The following ANK3 variants were observed in gnomAD, a reference collection of about 807,000 sequenced individuals.
ANK3 encodes the protein ankyrin 3.
Under a neutral mutation model 370.9 loss-of-function variants are expected in ANK3, and 57 were observed. That is an observed-to-expected ratio of 0.15 (90% CI 0.12 to 0.19). The LOEUF is 0.19. Among genes scored for constraint, ANK3 ranks in the 10% least tolerant of loss-of-function variants. The pLI, the probability that ANK3 is intolerant of heterozygous loss-of-function variation, is 1.00. For missense variants in ANK3, 4,439 were observed against 5,302.1 expected, an observed-to-expected ratio of 0.84 and a Z score of 5.06; for synonymous variants, 1,929 against 1,946.3, an observed-to-expected ratio of 0.99 and a Z score of 0.23.
chr10:60,392,242 A>G (rs936243712), upstream of ANK3, among the ~76,000 whole-genome samples: 5 of 152,224 alleles, frequency 3.3e-5, no homozygotes, highest in African/African-American at 1.2e-4. Flanking sequence ...ATAGTTCCAG[A>G]AAGCCTTTAT....
At chr10:60,299,285 T>G (rs371048077) in intron 1 of ANK3, among the ~76,000 whole-genome samples, 1 of 152,204 alleles carries the variant, frequency 6.6e-6, no homozygotes, top group South Asian at 2.1e-4. Flanking sequence ...AGTACAAAGA[T>G]GAAAACTGAA....
rs553599231 is a variant in ANK3 at position 60,253,914 on chromosome 10, C to T, written c.798+7945G>A. Among the ~76,000 whole-genome samples the T allele has an allele frequency of 9.9e-5, 15 of 152,216 alleles. No individual in the cohort carries two copies. In the South Asian group the frequency reaches 3.1e-3, roughly 32 times the overall value. On this transcript the variant is annotated intron_variant, in intron 7 of 43. Transcript: ENST00000280772. ...ACATTCAAATGCCAAAAAAAGTCTGCTATAAGTGGTTTTTATTTTCTCACT... is the reference window on the plus strand; with the variant it reads ...ACATTCAAATGCCAAAAAAAGTCTGTTATAAGTGGTTTTTATTTTCTCACT...
chr10:60,680,107 C>T (rs1300409778), intron 1 of ANK3, among the ~76,000 whole-genome samples: 3 of 137,176 alleles, frequency 2.2e-5, no homozygotes, highest in African/African-American at 8.3e-5. Context: ...TGCATTACAG[C>T]CTGGGAGACA....
intron 23 of ANK3, among the ~76,000 whole-genome samples, chr10:60,150,816 A>G (rs969309786): frequency 2.0e-5 from 3 of 152,102 alleles, no homozygotes; most frequent in Admixed American, 2.0e-4. Context: ...TGCTTGTACA[A>G]CCTGTAGAAC....
At chr10:60,057,002 G>A (rs940098294) in intron 41 of ANK3, among the ~76,000 whole-genome samples, 5 of 152,094 alleles carry the variant, frequency 3.3e-5, no homozygotes, top group South Asian at 2.1e-4. Context: ...AAAAAATTGC[G>A]CCCTGTCTCC....
At position 60,699,074 on chromosome 10, in the gene ANK3, G is replaced by A. The variant is rs2079510518; in HGVS notation, c.57+34189C>T. On this transcript the variant is annotated intron_variant, in intron 1 of 43. Coordinates refer to the ANK3 transcript ENST00000373827. ...GTTCTCACTGGTATGTGGGAGGTAAGCAATGAGGACGCAAAGACATAAGAA... is the reference window on the plus strand; with the variant it reads ...GTTCTCACTGGTATGTGGGAGGTAAACAATGAGGACGCAAAGACATAAGAA... Among the ~76,000 whole-genome samples, 2 of 146,196 alleles carry A rather than the reference G, an allele frequency of 1.4e-5. 1 individual carries two copies. Among genetic ancestry groups the A allele is most frequent in the South Asian group, 4.5e-4 (2 of 4,404 alleles).
chr10:60,132,648 G>T (rs576425054), intron 25 of ANK3, among the ~76,000 whole-genome samples: 6 of 148,566 alleles, frequency 4.0e-5, no homozygotes, highest in Non-Finnish European at 8.9e-5. Context: ...ACAGAGTCTC[G>T]CTCTGTTGCC....
chr10:60,145,757 G>C (rs867241882), intron 23 of ANK3, among the ~76,000 whole-genome samples: 1 of 152,114 alleles, frequency 6.6e-6, no homozygotes, highest in Non-Finnish European at 1.5e-5. Flanking sequence ...CAAAACTTAA[G>C]ATGCTATTGA....
intron 1 of ANK3, among the ~76,000 whole-genome samples, chr10:60,384,303 A>C (rs2061957519): frequency 6.6e-6 from 1 of 152,220 alleles, no homozygotes; most frequent in Non-Finnish European, 1.5e-5. Flanking sequence ...AATTTTAAAA[A>C]AGAATCTTAA....
Position 60,422,466 on chromosome 10 carries a change from T to C in ANK3, c.97-142827A>G, listed in dbSNP as rs927358614. ...GTTCATTGAAGTAATCATAAAGATC[T>C]GCCTAAAATATTAAAATCTATGCTT... On this transcript the variant is annotated intron_variant, in intron 2 of 43. Transcript: ENST00000373827. Among the ~76,000 whole-genome samples, 8 of 152,200 alleles carry C rather than the reference T, an allele frequency of 5.3e-5. No individual in the cohort carries two copies. In the South Asian group the frequency reaches 1.7e-3, roughly 32 times the overall value.
chr10:60,243,263 C>A (rs912765790), intron 7 of ANK3, among the ~76,000 whole-genome samples: 9 of 152,042 alleles, frequency 5.9e-5, no homozygotes, highest in Non-Finnish European at 1.3e-4. Context: ...TTTGAATATG[C>A]CCCCCTAATT....
chr10:60,249,219 A>C (rs1329121553), intron 7 of ANK3, among the ~76,000 whole-genome samples: 1 of 152,230 alleles, frequency 6.6e-6, no homozygotes, highest in African/African-American at 2.4e-5. Flanking sequence ...GGAATCAATT[A>C]CTTACTCTAC....
chr10:60,587,889 A>G (rs925765085), intron 2 of ANK3, among the ~76,000 whole-genome samples: 4 of 152,134 alleles, frequency 2.6e-5, no homozygotes, highest in Non-Finnish European at 1.5e-5. Flanking sequence ...AAAGAATGAC[A>G]GTTTTAGAAT....
Position 60,072,393 on chromosome 10 carries a change from C to T in ANK3, c.8488G>A (p.Ala2830Thr). 3 of 1,613,986 alleles carry T rather than the reference C, an allele frequency of 1.9e-6. No homozygotes were observed. The South Asian group carries it at 3.3e-5, about 18-fold the overall frequency. ...AMPDSFSEQQ[A>T]KDLACHITSD... Reference sequence around the variant, plus strand: ...GTTATATGACATGCCAAGTCTTTAGCCTGCTGCTCAGAAAAAGAGTCAGGC... The same window carrying T: ...GTTATATGACATGCCAAGTCTTTAGTCTGCTGCTCAGAAAAAGAGTCAGGC... Residue 2830 changes from alanine to threonine, a missense_variant, in exon 37 of 44, where the codon GCT (alanine) becomes ACT (threonine). Ala to Thr is a moderately conservative substitution (Grantham distance 58, BLOSUM62 0). Around this residue, in one of 13 missense-constraint regions of ANK3, gnomAD observed 1,601 missense variants for 1,731.7 expected, o/e 0.92. Coordinates refer to ENST00000280772, the MANE Select transcript of ANK3 (RefSeq NM_020987.5).
At position 60,696,590 on chromosome 10, in the gene ANK3, G is replaced by A. The variant is rs2079455139; in HGVS notation, c.57+36673C>T. Among the ~76,000 whole-genome samples, 2 of 148,940 alleles carry A rather than the reference G, an allele frequency of 1.3e-5. 1 individual carries two copies. The highest frequency in any genetic ancestry group is 5.0e-5 in the African/African-American group (2 of 39,672). On this transcript the variant is annotated intron_variant, in intron 1 of 43. Transcript: ENST00000373827. The stretch of plus-strand genomic sequence containing the variant: ...GGCTTCTTCCCTGGGATGCAAGGCT[G>A]GTTCAATATACGCAAATCAATAAAT...
intron 6 of ANK3, 141 bp from the exon 7 acceptor site, chr10:60,262,098 C>A: frequency 1.5e-6 from 1 of 671,178 alleles, no homozygotes. Context: ...AGGTTTCGAT[C>A]AGTGCCAATT....
chr10:60,216,411 T>C lies in ANK3; in HGVS notation c.898-2901A>G, dbSNP rs549370076. ...ATATTAGTTGTGGGTTTGTCATAAA[T>C]AGCTCTTATCATTTTGAGATATGTT... On this transcript the variant is annotated intron_variant, in intron 8 of 43. Coordinates refer to ENST00000280772, the MANE Select transcript of ANK3 (RefSeq NM_020987.5). Among the ~76,000 whole-genome samples, 16 of 152,312 alleles carry C rather than the reference T, an allele frequency of 1.1e-4. No homozygotes were observed. In the South Asian group the frequency reaches 2.7e-3, roughly 26 times the overall value.
At chr10:60,463,679 T>TAAA (rs11374773) in intron 2 of ANK3, among the ~76,000 whole-genome samples, 3,528 of 146,250 alleles carry the variant, frequency 0.024, 61 homozygotes, top group Non-Finnish European at 0.038. Flanking sequence ...CAATCTTGCT[T>TAAA]AAAAAAAAAA....
intron 27 of ANK3, chr10:60,108,308 G>C (rs2092398607): frequency 2.8e-6 from 1 of 353,470 alleles, no homozygotes; most frequent in Admixed American, 4.0e-5. Flanking sequence ...CCATGCAGCA[G>C]AAAGAGAAAC....
Sources: gnomAD v4.1 joint callset for allele counts (sites outside exome capture counted in the v4.1 genomes callset) on GRCh38, gnomAD v4.1.1 for gene constraint, gnomAD v4.1.1 regional missense constraint, MANE v1.5 for transcripts, NCBI Gene and HGNC (gene_info 2026-07-23, HGNC 2026-07-21) for gene names.